The following ANKFN1 variants were observed in gnomAD, a reference collection of about 807,000 sequenced individuals.
The protein encoded by ANKFN1 is ankyrin repeat and fibronectin type III domain containing 1, also known as ankyrin repeat and fibronectin type-III domain-containing protein 1.
In ANKFN1, 74 loss-of-function variants were observed where a neutral mutation model predicts 108.7. The ratio of observed to expected loss-of-function variants is 0.68; its 90% confidence interval spans 0.56 to 0.83. The LOEUF (loss-of-function observed/expected upper bound fraction) is 0.83, where lower values mean the gene tolerates loss of function less well. Among genes scored for constraint, ANKFN1 ranks in the 40% least tolerant of loss-of-function variants. ANKFN1 has a pLI of 0.00. For synonymous variants in ANKFN1, 547 were observed against 516.2 expected (o/e 1.06, Z -0.81); for missense variants, 1,505 against 1,382.3 (o/e 1.09, Z -1.41).
At chr17:56,484,426 A>G (rs1370866263) in intron 18 of ANKFN1, among the ~76,000 whole-genome samples, 1 of 152,242 alleles carries the variant, frequency 6.6e-6, no homozygotes, top group East Asian at 1.9e-4. Flanking sequence ...GTAGGTAACT[A>G]TTTAAATGAG....
intron 4 of ANKFN1, among the ~76,000 whole-genome samples, chr17:56,128,506 G>A (rs1461729727): frequency 6.6e-6 from 1 of 152,160 alleles, no homozygotes; most frequent in Non-Finnish European, 1.5e-5. Context: ...GTTCTGTTCT[G>A]TAACAATGTC....
chr17:56,099,522 C>T (rs1328885810), intron 4 of ANKFN1, among the ~76,000 whole-genome samples: 1 of 151,926 alleles, frequency 6.6e-6, no homozygotes, highest in Non-Finnish European at 1.5e-5. Flanking sequence ...TAAGTGCTTA[C>T]TAGATTTCTG....
chr17:56,153,542 A>G lies in ANKFN1; in HGVS notation c.-71+12A>G, dbSNP rs1908805339. On this transcript the variant is annotated intron_variant, in intron 1 of 20. Coordinates refer to ENST00000682825, the MANE Select transcript of ANKFN1 (RefSeq NM_001370326.1). ...CGTCTCTAACCAGGGTAGGAAAACAATAGTTCTAAATATCGGTAATTGGTG... is the reference window on the plus strand; with the variant it reads ...CGTCTCTAACCAGGGTAGGAAAACAGTAGTTCTAAATATCGGTAATTGGTG... The G allele has an allele frequency of 5.6e-6, 9 of 1,613,814 alleles. No homozygotes were observed. The highest frequency in any genetic ancestry group is 5.9e-6 in the Non-Finnish European group (7 of 1,179,686).
chr17:56,246,305 C>G (rs1032835545), intron 3 of ANKFN1, among the ~76,000 whole-genome samples: 2 of 151,984 alleles, frequency 1.3e-5, no homozygotes, highest in Non-Finnish European at 2.9e-5. Context: ...AGGGTTGAAC[C>G]GAGAACTTTT....
chr17:56,127,980 T>C (rs1407925282), intron 4 of ANKFN1, among the ~76,000 whole-genome samples: 2 of 152,216 alleles, frequency 1.3e-5, no homozygotes, highest in African/African-American at 4.8e-5. Flanking sequence ...ACTATTGTTA[T>C]GAAACACACC....
At chr17:56,105,445 G>A (rs1905727608) in intron 4 of ANKFN1, among the ~76,000 whole-genome samples, 1 of 151,962 alleles carries the variant, frequency 6.6e-6, no homozygotes, top group African/African-American at 2.4e-5. Context: ...GGATGAAATT[G>A]TTCCCTCTCT....
chr17:56,098,491 A>G (rs1192817996), intron 4 of ANKFN1, among the ~76,000 whole-genome samples: 1 of 152,046 alleles, frequency 6.6e-6, no homozygotes, highest in East Asian at 1.9e-4. Flanking sequence ...ACTGTTCTTC[A>G]TAGCATTCAT....
intron 3 of ANKFN1, among the ~76,000 whole-genome samples, chr17:56,310,616 C>CAA (rs111929941): frequency 0.014 from 1,805 of 127,736 alleles, 15 homozygotes; most frequent in South Asian, 0.036. Context: ...GACTCCATCT[C>CAA]AAAAAAAAAA....
chr17:56,302,039 T>C (rs890420087), intron 3 of ANKFN1, among the ~76,000 whole-genome samples: 9 of 152,212 alleles, frequency 5.9e-5, no homozygotes, highest in Non-Finnish European at 1.2e-4. Context: ...TGGTCCTGGA[T>C]CATATATTAC....
intron 1 of ANKFN1, among the ~76,000 whole-genome samples, chr17:56,176,565 T>C (rs1911177963): frequency 6.6e-6 from 1 of 152,214 alleles, no homozygotes; most frequent in Admixed American, 6.5e-5. Flanking sequence ...GTGGTCACTA[T>C]GTCAAAGTCT....
At chr17:56,073,894 G>T (rs996840259) in intron 4 of ANKFN1, among the ~76,000 whole-genome samples, 4 of 152,162 alleles carry the variant, frequency 2.6e-5, no homozygotes, top group Non-Finnish European at 4.4e-5. Context: ...CATGATTTGT[G>T]TATCTATCCA....
chr17:56,234,080 A>G (rs1916934459), intron 3 of ANKFN1, among the ~76,000 whole-genome samples: 1 of 152,144 alleles, frequency 6.6e-6, no homozygotes, highest in Admixed American at 6.6e-5. Flanking sequence ...TTAAACGTAG[A>G]CAATCAACAA....
At chr17:56,491,572 G>A (rs887913470) in intron 18 of ANKFN1, among the ~76,000 whole-genome samples, 1 of 152,180 alleles carries the variant, frequency 6.6e-6, no homozygotes, top group South Asian at 2.1e-4. Flanking sequence ...CAAGTCTGCT[G>A]AAGACAAGAA....
intron 4 of ANKFN1, among the ~76,000 whole-genome samples, chr17:56,134,590 C>T (rs1404418808): frequency 6.6e-6 from 1 of 152,160 alleles, no homozygotes; most frequent in Non-Finnish European, 1.5e-5. Context: ...ACTAAAGATT[C>T]TCCTAGCATC....
chr17:56,376,731 T>G (rs1283854744), intron 8 of ANKFN1, among the ~76,000 whole-genome samples: 2 of 152,192 alleles, frequency 1.3e-5, no homozygotes, highest in East Asian at 3.9e-4. Context: ...TGGGTGAGGT[T>G]GAAATGAAAG....
At chr17:56,167,274 C>CATATATATATATATACACACATATACAT in intron 1 of ANKFN1, among the ~76,000 whole-genome samples, 1 of 133,898 alleles carries the variant, frequency 7.5e-6, no homozygotes, top group Middle Eastern at 4.2e-3. Context: ...TATATATATA[C>CATATATATATATATACACACATATACAT]ATATATATAT....
chr17:56,271,784 T>A (rs1193875405), intron 3 of ANKFN1, among the ~76,000 whole-genome samples: 1 of 152,168 alleles, frequency 6.6e-6, no homozygotes, highest in Non-Finnish European at 1.5e-5. Flanking sequence ...GGAGATTGCA[T>A]CCGGGGCTGG....
chr17:56,065,059 A>G (rs1905039046), intron 4 of ANKFN1, among the ~76,000 whole-genome samples: 1 of 152,094 alleles, frequency 6.6e-6, no homozygotes, highest in South Asian at 2.1e-4. Context: ...GTCAGTTCTG[A>G]GGAGAGAACC....
intron 4 of ANKFN1, among the ~76,000 whole-genome samples, chr17:56,128,514 G>A (rs1394938308): frequency 6.6e-6 from 1 of 152,112 alleles, no homozygotes; most frequent in Admixed American, 6.5e-5. Context: ...CTGTAACAAT[G>A]TCCTGGTTTT....
Sources: gnomAD v4.1 joint callset for allele counts (sites outside exome capture counted in the v4.1 genomes callset) on GRCh38, gnomAD v4.1.1 for gene constraint, MANE v1.5 for transcripts, NCBI Gene and HGNC (gene_info 2026-07-23, HGNC 2026-07-21) for gene names.